The following CSMD1 variants were observed in gnomAD, a reference collection of about 807,000 sequenced individuals.
The protein encoded by CSMD1 is CUB and sushi domain-containing protein 1.
CSMD1 carries 213 observed loss-of-function variants against 417.5 expected under a neutral mutation model. That is an observed-to-expected ratio of 0.51 (90% CI 0.46 to 0.57). The LOEUF is 0.57. Among genes scored for constraint, CSMD1 ranks in the 20% least tolerant of loss-of-function variants. CSMD1 has a pLI of 0.00. For synonymous variants in CSMD1, 2,862 were observed against 1,736.8 expected (o/e 1.65, Z -16.11); for missense variants, 6,923 against 4,529.7 (o/e 1.53, Z -15.17).
chr8:4,750,172 ATT>A (rs1176193246), intron 1 of CSMD1, among the ~76,000 whole-genome samples: 1 of 151,448 alleles, frequency 6.6e-6, no homozygotes, highest in East Asian at 1.9e-4. Context: ...CGCCCGGCTA[ATT>A]TTTTTTGTAT....
chr8:3,880,469 G>A (rs547451197), intron 5 of CSMD1, among the ~76,000 whole-genome samples: 104 of 152,130 alleles, frequency 6.8e-4, no homozygotes, highest in African/African-American at 2.4e-3. Flanking sequence ...GAGATATCTC[G>A]CTGCTTCACT....
intron 1 of CSMD1, among the ~76,000 whole-genome samples, chr8:4,644,654 T>G (rs1803405560): frequency 6.6e-6 from 1 of 152,216 alleles, no homozygotes; most frequent in South Asian, 2.1e-4. Context: ...GGTGATGGCC[T>G]CGCCTCAGCC....
At chr8:3,737,844 C>A (rs771488018) in intron 6 of CSMD1, among the ~76,000 whole-genome samples, 1 of 152,160 alleles carries the variant, frequency 6.6e-6, no homozygotes, top group African/African-American at 2.4e-5. Context: ...AAAACATAAC[C>A]CATTTAATGT....
intron 26 of CSMD1, among the ~76,000 whole-genome samples, chr8:3,271,677 C>A (rs35108557): frequency 1.3e-5 from 2 of 152,010 alleles, no homozygotes; most frequent in African/African-American, 4.8e-5. Flanking sequence ...TCTCTGATAG[C>A]CAGTGATGAT....
At chr8:3,859,810 C>T (rs761282687) in intron 5 of CSMD1, among the ~76,000 whole-genome samples, 1 of 152,168 alleles carries the variant, frequency 6.6e-6, no homozygotes, top group Non-Finnish European at 1.5e-5. Flanking sequence ...CCTGATTCCG[C>T]AGGGAACAGG....
chr8:3,967,208 G>T (rs953969159), intron 5 of CSMD1, among the ~76,000 whole-genome samples: 1 of 151,650 alleles, frequency 6.6e-6, no homozygotes, highest in Non-Finnish European at 1.5e-5. Flanking sequence ...CTACTGCTTT[G>T]CTCTTCCCCA....
At position 4,605,276 on chromosome 8, in the gene CSMD1, A is replaced by AAAGAAG. The variant is rs138082067; in HGVS notation, c.302+32060_302+32065dup. On this transcript the variant is annotated intron_variant, in intron 2 of 69. Coordinates refer to ENST00000635120, the MANE Select transcript of CSMD1 (RefSeq NM_033225.6). ...CCGATGAAGTTTACCTTTAAGAAAA[A>AAAGAAG]AAGAAGAAGAAGAAGAAGAAGAAAT... is the stretch of plus-strand genomic sequence containing the variant. 4.1e-3 allele frequency among the ~76,000 whole-genome samples: 616 copies of AAAGAAG among 151,890 alleles called. 10 individuals carry two copies. Among genetic ancestry groups the AAAGAAG allele is most frequent in the African/African-American group, 0.014 (586 of 41,326 alleles).
At chr8:4,012,310 A>G (rs985193504) in intron 4 of CSMD1, among the ~76,000 whole-genome samples, 1 of 152,006 alleles carries the variant, frequency 6.6e-6, no homozygotes, top group East Asian at 1.9e-4. Context: ...TCATCTTCCA[A>G]TCCTTGGTAG....
At chr8:3,524,030 CACAT>C (rs201705789) in intron 10 of CSMD1, among the ~76,000 whole-genome samples, 19,395 of 149,878 alleles carry the variant, frequency 0.13, 1,390 homozygotes, top group Admixed American at 0.2. Flanking sequence ...CACACACACA[CACAT>C]GCACACCCAG....
rs773883969 is a variant in CSMD1 at position 3,223,880 on chromosome 8, A to C, written c.4346-13T>G. On this transcript the variant is annotated splice_polypyrimidine_tract_variant and intron_variant, in intron 27 of 69. Coordinates refer to ENST00000635120, the MANE Select transcript of CSMD1 (RefSeq NM_033225.6). The stretch of plus-strand genomic sequence containing the variant: ...CCTCCACAAGCAGCTGTCACAGAAC[A>C]AAAGTTACAGAGAAAAAGTAAGGAC... 4.3e-6 allele frequency: 7 copies of C among 1,613,328 alleles called. No homozygotes were observed. The East Asian group carries it at 1.6e-4, about 36-fold the overall frequency.
At chr8:4,530,466 G>C (rs959953220) in intron 2 of CSMD1, among the ~76,000 whole-genome samples, 2 of 151,340 alleles carry the variant, frequency 1.3e-5, no homozygotes, top group African/African-American at 4.9e-5. Flanking sequence ...CATGCATTAG[G>C]TATTTGTCCT....
chr8:4,122,941 T>C (rs1282396870), intron 3 of CSMD1, among the ~76,000 whole-genome samples: 6 of 152,340 alleles, frequency 3.9e-5, no homozygotes, highest in African/African-American at 1.4e-4. Flanking sequence ...AATTCTAGGC[T>C]ACTGCAAAGC....
chr8:4,754,244 G>C (rs1811526020), intron 1 of CSMD1, among the ~76,000 whole-genome samples: 1 of 152,116 alleles, frequency 6.6e-6, no homozygotes, highest in South Asian at 2.1e-4. Context: ...CCATGTCTCA[G>C]AGAAGAAAAT....
rs1807802033 is a variant in CSMD1, at chr8:4,938,918, C to G, written c.85+55414G>C. On this transcript the variant is annotated intron_variant, in intron 1 of 69. Transcript: ENST00000635120. The stretch of plus-strand genomic sequence containing the variant: ...CTGACGTTGAACCTCTTTTCATATA[C>G]TTGTTAAACTTTTGTGTGTCTTCTT... Among the ~76,000 whole-genome samples the G allele has an allele frequency of 1.3e-5, 2 of 151,948 alleles. 1 individual carries two copies. The highest frequency in any genetic ancestry group is 4.2e-4 in the South Asian group (2 of 4,776).
intron 7 of CSMD1, among the ~76,000 whole-genome samples, chr8:3,669,760 G>C (rs1798893672): frequency 6.6e-6 from 1 of 152,130 alleles, no homozygotes; most frequent in Non-Finnish European, 1.5e-5. Context: ...CTAAGCCTGA[G>C]GCTACACACA....
intron 11 of CSMD1, among the ~76,000 whole-genome samples, chr8:3,484,040 GTTTT>G (rs1333582567): frequency 6.6e-6 from 1 of 152,120 alleles, no homozygotes; most frequent in East Asian, 1.9e-4. Context: ...TCCCAGCAAT[GTTTT>G]TATACATTGC....
chr8:3,864,084 T>C (rs1231166461), intron 5 of CSMD1, among the ~76,000 whole-genome samples: 1 of 152,128 alleles, frequency 6.6e-6, no homozygotes, highest in Non-Finnish European at 1.5e-5. Context: ...TAAGTAAACA[T>C]ACAATATTTT....
intron 3 of CSMD1, among the ~76,000 whole-genome samples, chr8:4,097,005 G>C (rs191390670): frequency 2.5e-4 from 38 of 152,212 alleles, no homozygotes; most frequent in Admixed American, 2.2e-3. Context: ...TAAAATCTTT[G>C]AAAATTATTT....
intron 3 of CSMD1, among the ~76,000 whole-genome samples, chr8:4,166,846 ATT>A (rs1163021944): frequency 1.3e-5 from 2 of 152,200 alleles, no homozygotes; most frequent in African/African-American, 2.4e-5. Flanking sequence ...TAAAATTTAA[ATT>A]TGTTTCAATG....
Sources: gnomAD v4.1 joint callset for allele counts (sites outside exome capture counted in the v4.1 genomes callset) on GRCh38, gnomAD v4.1.1 for gene constraint, MANE v1.5 for transcripts, NCBI Gene and HGNC (gene_info 2026-07-23, HGNC 2026-07-21) for gene names.